KCNQ1: variants seen among roughly 807,000 people sequenced by gnomAD.
The protein encoded by KCNQ1 is potassium voltage-gated channel subfamily KQT member 1.
Under a neutral mutation model 72.4 loss-of-function variants are expected in KCNQ1, and 49 were observed. The ratio of observed to expected loss-of-function variants is 0.68; its 90% CI spans 0.54 to 0.86. The LOEUF (loss-of-function observed/expected upper bound fraction) is 0.86, where lower values mean the gene tolerates loss of function less well. KCNQ1 is among the 40% of genes least tolerant of loss of function. The probability of loss-of-function intolerance (pLI) is 0.00; values close to 1 mark genes in which losing one functional copy is unlikely to be tolerated. For synonymous variants in KCNQ1, 450 were observed against 412.6 expected (o/e 1.09, Z -1.10); for missense variants, 790 against 945.1 (o/e 0.84, Z 2.15).
rs1163346036 is a variant in KCNQ1 at position 2,483,704 on chromosome 11, G to A, written c.386+38220G>A. ...TGTGCATTTTTGGCAAGAACACCGCGGGAGTGTTGTTGGGTCCCGAGGAGT... is the reference window on the plus strand; with the variant it reads ...TGTGCATTTTTGGCAAGAACACCGCAGGAGTGTTGTTGGGTCCCGAGGAGT... On this transcript the variant is annotated intron_variant, in intron 1 of 15. Transcript: ENST00000155840. This position sits in a 1 kb window ranked among gnomAD's most constrained non-coding sequence, Gnocchi z 6.1. Among the ~76,000 whole-genome samples the A allele has an allele frequency of 1.3e-5, 2 of 152,144 alleles. No individual in the cohort carries two copies. Among genetic ancestry groups the A allele is most frequent in the Non-Finnish European group, 2.9e-5 (2 of 68,024 alleles).
intron 2 of KCNQ1, among the ~76,000 whole-genome samples, chr11:2,531,264 C>T (rs562188579): frequency 5.3e-5 from 8 of 150,072 alleles, no homozygotes; most frequent in South Asian, 2.1e-4. Flanking sequence ...TTAGACGTGC[C>T]CTGGGCTCCA....
In KCNQ1 at chr11:2,515,503, C is replaced by T. The variant is rs955417337; in HGVS notation, c.387-12425C>T. 4.0e-5 allele frequency among the ~76,000 whole-genome samples: 6 copies of T among 149,944 alleles called. No individual in the cohort carries two copies. Among genetic ancestry groups the T allele is most frequent in the South Asian group, 2.1e-4 (1 of 4,658 alleles). On this transcript the variant is annotated intron_variant, in intron 1 of 15. Coordinates refer to ENST00000155840, the MANE Select transcript of KCNQ1 (RefSeq NM_000218.3). This position sits in a 1 kb window ranked among gnomAD's most constrained non-coding sequence, Gnocchi z 4.7. ...ACCACCACCCTCTGCTCCAGGACAGCGCAGCCGCCATCAGTGGGGGTGAGG... is the reference window on the plus strand; with the variant it reads ...ACCACCACCCTCTGCTCCAGGACAGTGCAGCCGCCATCAGTGGGGGTGAGG...
intron 11 of KCNQ1, among the ~76,000 whole-genome samples, chr11:2,756,625 TG>T (rs1846302817): frequency 6.6e-6 from 1 of 152,034 alleles, no homozygotes; most frequent in Non-Finnish European, 1.5e-5. Flanking sequence ...TTTGTTTGTT[TG>T]TTTTTGTAGA....
chr11:2,555,479 C>T (rs1848056614), intron 2 of KCNQ1, among the ~76,000 whole-genome samples: 2 of 152,208 alleles, frequency 1.3e-5, no homozygotes, highest in Non-Finnish European at 2.9e-5. Flanking sequence ...ACGTGTAAAG[C>T]TGCCTGCCAG....
intron 6 of KCNQ1, among the ~76,000 whole-genome samples, chr11:2,575,128 G>A (rs550549054): frequency 5.9e-5 from 9 of 152,252 alleles, no homozygotes; most frequent in Admixed American, 2.6e-4. Flanking sequence ...CTTCCCAGCC[G>A]CCCACTGGAG....
At chr11:2,597,564 A>G (rs577539549) in intron 10 of KCNQ1, among the ~76,000 whole-genome samples, 3 of 152,368 alleles carry the variant, frequency 2.0e-5, no homozygotes, top group African/African-American at 7.2e-5. Flanking sequence ...CTTTCAGAAG[A>G]GTATGAAATC....
intron 8 of KCNQ1, among the ~76,000 whole-genome samples, chr11:2,586,918 C>A (rs1848600225): frequency 6.6e-6 from 1 of 152,152 alleles, no homozygotes; most frequent in Admixed American, 6.5e-5. Flanking sequence ...TGCACAACTG[C>A]TCCCCCGCCG....
At position 2,550,894 on chromosome 11, in the gene KCNQ1, G is replaced by A. The variant is rs993501967; in HGVS notation, c.478-19734G>A. 1.3e-5 allele frequency among the ~76,000 whole-genome samples: 2 copies of A among 152,096 alleles called. No homozygotes were observed. Among genetic ancestry groups the A allele is most frequent in the Admixed American group, 6.5e-5 (1 of 15,286 alleles). On this transcript the variant is annotated intron_variant, in intron 2 of 15. Coordinates refer to ENST00000155840, the MANE Select transcript of KCNQ1 (RefSeq NM_000218.3). This position sits in a 1 kb window ranked among gnomAD's most constrained non-coding sequence, Gnocchi z 6.0. Reference sequence around the variant, plus strand: ...GGCTGCCAAGTGAGGGGGGGGCACAGACTGAGACAGGGTCCCCGTGTTCCA... The same window carrying A: ...GGCTGCCAAGTGAGGGGGGGGCACAAACTGAGACAGGGTCCCCGTGTTCCA...
chr11:2,550,742 A>G lies in KCNQ1; in HGVS notation c.478-19886A>G, dbSNP rs1042179899. ...CTCACAGGAAGGGCAGGGCAGCACC[A>G]GGCTCAGCCCAGGACCAGAGCGCAA... On this transcript the variant is annotated intron_variant, in intron 2 of 15. Coordinates refer to ENST00000155840, the MANE Select transcript of KCNQ1 (RefSeq NM_000218.3). The surrounding 1 kb of genome is among the most constrained non-coding windows in gnomAD (Gnocchi z 6.0). Among the ~76,000 whole-genome samples, 4 of 152,184 alleles carry G rather than the reference A, an allele frequency of 2.6e-5. No individual in the cohort carries two copies. The highest frequency in any genetic ancestry group is 1.5e-5 in the Non-Finnish European group (1 of 68,020).
chr11:2,743,605 G>C (rs1350621129), intron 11 of KCNQ1, among the ~76,000 whole-genome samples: 1 of 152,202 alleles, frequency 6.6e-6, no homozygotes, highest in Non-Finnish European at 1.5e-5. Flanking sequence ...ATGGGGACTT[G>C]CGTCTCCCCG....
rs1290789207 is a variant in KCNQ1 at position 2,818,269 on chromosome 11, C to T, written c.1795-29498C>T. Among the ~76,000 whole-genome samples, 1 of 152,190 alleles carries T rather than the reference C, an allele frequency of 6.6e-6. No individual in the cohort carries two copies. Among genetic ancestry groups the T allele is most frequent in the African/African-American group, 2.4e-5 (1 of 41,436 alleles). On this transcript the variant is annotated intron_variant, in intron 15 of 15. Transcript: ENST00000155840. This position sits in a 1 kb window ranked among gnomAD's most constrained non-coding sequence, Gnocchi z 7.2. ...ATGGCGTCCTTGTGCCCTTGTCACC[C>T]ACTCCTGTGGGTACACAGCTTCCCT...
At chr11:2,633,562 A>G (rs1331967557) in intron 10 of KCNQ1, 3 of 398,468 alleles carry the variant, frequency 7.5e-6, no homozygotes, top group Non-Finnish European at 1.3e-5. Context: ...GAGAGATAGT[A>G]TAGTTTCATT....
At chr11:2,636,482 A>T (rs1849466795) in intron 10 of KCNQ1, 1 of 152,064 alleles carries the variant, frequency 6.6e-6, no homozygotes, top group Non-Finnish European at 1.5e-5. Context: ...TATGCTGGAT[A>T]ATGTTTATTG....
At position 2,818,927 on chromosome 11, in the gene KCNQ1, C is replaced by T. The variant is rs1004789344; in HGVS notation, c.1795-28840C>T. On this transcript the variant is annotated intron_variant, in intron 15 of 15. Coordinates refer to ENST00000155840, the MANE Select transcript of KCNQ1 (RefSeq NM_000218.3). The surrounding 1 kb of genome is among the most constrained non-coding windows in gnomAD (Gnocchi z 7.2). ...CATGCCTCTTGGAAGGCAGGTGGCA[C>T]AAGAGGTTCATCCCACCCTCCAGCA... 6.6e-6 allele frequency among the ~76,000 whole-genome samples: 1 copy of T among 152,218 alleles called. No individual in the cohort carries two copies. The highest frequency in any genetic ancestry group is 6.5e-5 in the Admixed American group (1 of 15,308).
chr11:2,776,679 C>T (rs1846708107), intron 13 of KCNQ1, among the ~76,000 whole-genome samples: 3 of 152,198 alleles, frequency 2.0e-5, no homozygotes, highest in Admixed American at 1.3e-4. Flanking sequence ...ATCCTGGCCA[C>T]AGGCGAGGGG....
At chr11:2,500,873 G>T (rs1381780878) in intron 1 of KCNQ1, among the ~76,000 whole-genome samples, 2 of 115,344 alleles carry the variant, frequency 1.7e-5, no homozygotes, top group Non-Finnish European at 3.6e-5. Context: ...GGGGTCTGTT[G>T]GGGGGTGGGG....
intron 10 of KCNQ1, chr11:2,633,022 A>G (rs915808539): frequency 7.3e-5 from 29 of 398,378 alleles, no homozygotes; most frequent in Non-Finnish European, 1.3e-4. Context: ...TCACTAATTT[A>G]TAGTCCCACA....
Position 2,624,167 on chromosome 11 carries a change from G to A in KCNQ1, c.1393+35313G>A, listed in dbSNP as rs186046486. On this transcript the variant is annotated intron_variant, in intron 10 of 15. Coordinates refer to ENST00000155840, the MANE Select transcript of KCNQ1 (RefSeq NM_000218.3). This position sits in a 1 kb window ranked among gnomAD's most constrained non-coding sequence, Gnocchi z 4.9. The stretch of plus-strand genomic sequence containing the variant: ...TTTTAATTTCCATTTCCCTAATGAC[G>A]TAAGATGTGGGGCATCTTTTCATAT... The A allele has an allele frequency of 4.3e-5, 17 of 398,532 alleles. No individual in the cohort carries two copies. Among genetic ancestry groups the A allele is most frequent in the African/African-American group, 1.0e-4 (5 of 48,730 alleles). The allele number at this position is 398,532 out of a possible 1,614,324, so 24.7% of individuals were successfully genotyped here. A position where few individuals can be genotyped will look rare whatever the true frequency, so the allele number is the denominator to read the frequency against.
In KCNQ1 at chr11:2,494,188, C is replaced by T. The variant is rs988343366; in HGVS notation, c.387-33740C>T. On this transcript the variant is annotated intron_variant, in intron 1 of 15. Coordinates refer to ENST00000155840, the MANE Select transcript of KCNQ1 (RefSeq NM_000218.3). The surrounding 1 kb of genome is among the most constrained non-coding windows in gnomAD (Gnocchi z 4.6). ...TATAGGAATGCTTGTGAATTTTGCACATTGATTTTGTATCCCAAGACTTTG... is the reference window on the plus strand; with the variant it reads ...TATAGGAATGCTTGTGAATTTTGCATATTGATTTTGTATCCCAAGACTTTG... Among the ~76,000 whole-genome samples the T allele has an allele frequency of 6.6e-6, 1 of 152,178 alleles. No homozygotes were observed. The highest frequency in any genetic ancestry group is 2.4e-5 in the African/African-American group (1 of 41,448).
Sources: gnomAD v4.1 joint callset for allele counts (sites outside exome capture counted in the v4.1 genomes callset) on GRCh38, gnomAD v4.1.1 for gene constraint, Gnocchi (gnomAD v3.1) non-coding constraint, MANE v1.5 for transcripts, NCBI Gene and HGNC (gene_info 2026-07-23, HGNC 2026-07-21) for gene names.